Variants in TNC observed in about 807,000 individuals in gnomAD.
TNC encodes the protein tenascin.
TNC carries 109 observed loss-of-function variants against 202.4 expected under a neutral mutation model. That is an observed-to-expected ratio of 0.54 (90% confidence interval 0.46 to 0.63). The LOEUF is 0.63. Among genes scored for constraint, TNC ranks in the 30% least tolerant of loss-of-function variants. TNC has a pLI of 0.00. For missense variants in TNC, 2,756 were observed against 2,833.3 expected (o/e 0.97, Z 0.62); for synonymous variants, 1,007 against 1,089.7 (o/e 0.92, Z 1.50).
intron 21 of TNC, 83 bp downstream of exon 21, chr9:115,036,015 C>T (rs1830294327): frequency 2.0e-6 from 3 of 1,535,046 alleles, no homozygotes; most frequent in Non-Finnish European, 2.7e-6. Context: ...GAAAGAAGAA[C>T]TGGCTAGCGG....
chr9:115,061,410 G>A (rs1564454682), intron 13 of TNC, among the ~76,000 whole-genome samples: 1 of 152,128 alleles, frequency 6.6e-6, no homozygotes, highest in Non-Finnish European at 1.5e-5. Flanking sequence ...AGGGTTCCTT[G>A]GAAGATTTCA....
chr9:115,036,222 C>T lies in TNC; in HGVS notation c.5532G>A (p.Thr1844=), dbSNP rs200409463. The T allele has an allele frequency of 7.5e-5, 121 of 1,613,990 alleles. No individual in the cohort carries two copies. The highest frequency in any genetic ancestry group is 1.6e-4 in the Middle Eastern group (1 of 6,080). The part of the protein sequence containing the change: ...TGEKVPEITR[T]VSGNTVEYAL... ...CATACTCCACTGTGTTCCCGGACACCGTGCGTGTAATTTCTGGCACTAAAC... is the reference window on the plus strand; with the variant it reads ...CATACTCCACTGTGTTCCCGGACACTGTGCGTGTAATTTCTGGCACTAAAC... Residue 1844 remains threonine (T), a synonymous_variant, in exon 21 of 28, where the codon ACG becomes ACA. Coordinates refer to ENST00000350763, the MANE Select transcript of TNC (RefSeq NM_002160.4).
chr9:115,043,637 C>T (rs998163448), intron 17 of TNC, among the ~76,000 whole-genome samples: 1 of 152,198 alleles, frequency 6.6e-6, no homozygotes. Context: ...ATATGATTGC[C>T]CTCTCTTTAT....
intron 1 of TNC, 134 bp downstream of exon 1, chr9:115,117,848 C>CT (rs3833490): frequency 0.27 from 40,379 of 151,796 alleles, 5,567 homozygotes; most frequent in Middle Eastern, 0.34. Flanking sequence ...ATACACACTC[C>CT]TTTTTTTTCC....
At position 115,021,165 on chromosome 9, in the gene TNC, G is replaced by A. The variant is rs754768682; in HGVS notation, c.6598C>T (p.Arg2200Trp). ...CCAGTGGTCCCTGGAATTTATGCCC[G>A]TTTGCGCCTGCCTTCAAGATTTCTG... ...NFRNLEGRRKRA is the reference protein window; with the variant it reads ...NFRNLEGRRKWA Residue 2200 changes from arginine to tryptophan, a missense_variant, in exon 28 of 28, where the codon CGG becomes TGG. This residue lies in a region of TNC where 197 missense variants were observed against 287.3 expected (regional missense o/e 0.69). Transcript: ENST00000350763. 2.9e-5 allele frequency: 46 copies of A among 1,613,336 alleles called. No homozygotes were observed. The highest frequency in any genetic ancestry group is 1.6e-4 in the Middle Eastern group (1 of 6,082).
intron 10 of TNC, among the ~76,000 whole-genome samples, chr9:115,073,157 G>A (rs758009788): frequency 1.3e-5 from 2 of 152,114 alleles, no homozygotes; most frequent in South Asian, 2.1e-4. Context: ...AATAAAAACA[G>A]TTTGTAGAAA....
intron 9 of TNC, among the ~76,000 whole-genome samples, chr9:115,074,152 C>A (rs1021458237): frequency 6.6e-6 from 1 of 152,184 alleles, no homozygotes; most frequent in Non-Finnish European, 1.5e-5. Context: ...AAGGAACCAA[C>A]TATTGATAAA....
intron 27 of TNC, among the ~76,000 whole-genome samples, chr9:115,023,254 T>C (rs1829224092): frequency 6.6e-6 from 1 of 152,186 alleles, no homozygotes; most frequent in African/African-American, 2.4e-5. Context: ...GACTAACTTC[T>C]GTGGAGGGAC....
chr9:115,073,365 C>T (rs1833601214), intron 10 of TNC, among the ~76,000 whole-genome samples: 1 of 152,124 alleles, frequency 6.6e-6, no homozygotes, highest in African/African-American at 2.4e-5. Context: ...TTAAAGTTCT[C>T]CTAGGAAGAA....
intron 10 of TNC, among the ~76,000 whole-genome samples, chr9:115,065,761 G>T (rs535303824): frequency 1.3e-5 from 2 of 152,146 alleles, no homozygotes; most frequent in African/African-American, 4.8e-5. Flanking sequence ...AATTAGCTGG[G>T]TGTGGTGGCG....
At chr9:115,091,930 C>T (rs1835267279) in intron 1 of TNC, among the ~76,000 whole-genome samples, 1 of 152,182 alleles carries the variant, frequency 6.6e-6, no homozygotes, top group Non-Finnish European at 1.5e-5. Context: ...AGGCTCACAG[C>T]TCAGAAAGGA....
At position 115,048,509 on chromosome 9, in the gene TNC, G is replaced by C; in HGVS notation, c.4603C>G (p.Leu1535Val). Reference sequence around the variant, plus strand: ...TAGGGATTAATGTCGGAAATGGTTAGGTTTTCCAGAAGGGGCAGGGCCTCT... The same window carrying C: ...TAGGGATTAATGTCGGAAATGGTTACGTTTTCCAGAAGGGGCAGGGCCTCT... Reference protein sequence around the residue: ...TTEALPLLENLTISDINPYGF... With the variant: ...TTEALPLLENVTISDINPYGF... Residue 1535 changes from leucine to valine, a missense_variant, in exon 16 of 28, where the codon CTA (leucine) becomes GTA (valine). Around this residue, in one of 2 missense-constraint regions of TNC, gnomAD observed 2,559 missense variants for 2,546.0 expected, o/e 1.01. Transcript: ENST00000350763. 1.2e-6 allele frequency: 2 copies of C among 1,613,316 alleles called. No individual in the cohort carries two copies. The highest frequency in any genetic ancestry group is 1.7e-6 in the Non-Finnish European group (2 of 1,179,820).
At chr9:115,053,040 G>A in intron 15 of TNC, 1 of 689,008 alleles carries the variant, frequency 1.5e-6, no homozygotes, top group Non-Finnish European at 2.7e-6. Context: ...TGGGCAGAGA[G>A]AAAGAGAGAG....
At chr9:115,036,744 C>A (rs1830362850) in intron 20 of TNC, among the ~76,000 whole-genome samples, 1 of 152,220 alleles carries the variant, frequency 6.6e-6, no homozygotes, top group Non-Finnish European at 1.5e-5. Context: ...ATCTCTCAGG[C>A]CTGCTGGGTC....
intron 13 of TNC, among the ~76,000 whole-genome samples, chr9:115,062,152 A>G (rs1832592450): frequency 6.6e-6 from 1 of 152,200 alleles, no homozygotes; most frequent in Non-Finnish European, 1.5e-5. Context: ...TTGCTGTATG[A>G]TAAATTTAGC....
At chr9:115,038,463 G>A in intron 19 of TNC, 83 bp from the exon 20 acceptor site, 1 of 1,536,930 alleles carries the variant, frequency 6.5e-7, no homozygotes, top group Non-Finnish European at 8.8e-7. Context: ...CACTGCTTAT[G>A]GAGTCCTGAT....
chr9:115,062,627 A>G (rs2132598334), intron 13 of TNC, among the ~76,000 whole-genome samples: 1 of 150,694 alleles, frequency 6.6e-6, no homozygotes, highest in Non-Finnish European at 1.5e-5. Flanking sequence ...AAAAAAAAGT[A>G]TATATCTATA....
In TNC at chr9:115,046,599, C is replaced by A. The variant is rs1353597727; in HGVS notation, c.4936G>T (p.Val1646Phe). The A allele has an allele frequency of 1.2e-6, 2 of 1,614,026 alleles. No homozygotes were observed. Among genetic ancestry groups the A allele is most frequent in the Middle Eastern group, 1.7e-4 (1 of 6,040 alleles). ...ATTTTGAGAACAAAATTGTCGAAGA[C>A]CCCTTCATCAGCTGTCCAGGACAGA... ...FRLSWTADEG[V>F]FDNFVLKIRD... The change falls in exon 17 of 28, where the codon GTC becomes TTC. Residue 1646 changes from valine to phenylalanine, a missense_variant. By Grantham distance (50) the Val-to-Phe change is conservative. Coordinates refer to ENST00000350763, the MANE Select transcript of TNC (RefSeq NM_002160.4).
rs553297691 is a variant in TNC at position 115,102,706 on chromosome 9, A to G, written c.-136-11552T>C. On this transcript the variant is annotated intron_variant, in intron 1 of 27. Coordinates refer to ENST00000350763, the MANE Select transcript of TNC (RefSeq NM_002160.4). ...AATTAGCTAATTCTAGATTGTATTT[A>G]TATTAGTCTATAAACAGTTGGTTTG... Among the ~76,000 whole-genome samples the G allele has an allele frequency of 1.4e-4, 21 of 152,360 alleles. No individual in the cohort carries two copies. The South Asian group carries it at 3.5e-3, about 26-fold the overall frequency.
Sources: allele counts gnomAD v4.1 joint callset (sites outside exome capture counted in the v4.1 genomes callset), GRCh38; gene constraint gnomAD v4.1.1; regional missense constraint gnomAD v4.1.1; transcripts MANE v1.5; gene names NCBI Gene and HGNC (gene_info 2026-07-23, HGNC 2026-07-21).